ZNF208: variants seen among roughly 807,000 people sequenced by gnomAD.
ZNF208 encodes zinc finger protein 95.
A neutral mutation model predicts 12.1 loss-of-function variants in ZNF208; 10 were observed. That is an observed-to-expected ratio of 0.83 (90% CI 0.51 to 1.40). The LOEUF (loss-of-function observed/expected upper bound fraction) is 1.40. Among genes scored for constraint, ZNF208 ranks in the 40% most tolerant of loss-of-function variants. ZNF208 has a pLI of 0.00. For synonymous variants in ZNF208, 497 were observed against 488.4 expected (o/e 1.02, Z -0.23); for missense variants, 1,652 against 1,485.0 (o/e 1.11, Z -1.85).
chr19:21,972,894 TTC>T lies in ZNF208; in HGVS notation c.2138_2139del (p.Arg713AsnfsTer11), dbSNP rs1164263816. The T allele has an allele frequency of 7.6e-7, 1 of 1,315,304 alleles. No homozygotes were observed. The highest frequency in any genetic ancestry group is 2.5e-5 in the African/African-American group (1 of 40,204). The allele number at this position is 1,315,304 out of a possible 1,614,324, so 81.5% of individuals were successfully genotyped here. Reference protein sequence around the residue: ...NWSSNLMEHKRIHTGEKPYKC... With the variant: ...NWSSNLMEHKXIHTGEKPYKC... The stretch of plus-strand genomic sequence containing the variant: ...TTGTAGGGTTTCTCTCCAGTATGAA[TTC>T]TCTTATGTTCCATAAGGTTTGAGGA... On this transcript the variant is annotated frameshift_variant, in exon 4 of 4. Transcript: ENST00000397126. LOFTEE classifies it low-confidence loss of function (END_TRUNC).
downstream of ZNF208, among the ~76,000 whole-genome samples, chr19:21,963,785 T>C (rs549490655): frequency 1.1e-4 from 16 of 152,102 alleles, no homozygotes; most frequent in African/African-American, 3.6e-4. Context: ...TCTGGGGCTA[T>C]AATAGTAGTT....
In ZNF208 at chr19:21,968,794, G is replaced by C. The variant is rs1041556118; in HGVS notation, c.*2397C>G. ...CTTTGCAATGTGGTAAAACTTCGCT[G>C]TGATTTCATATGATCCAGGGCTTTT... is the stretch of plus-strand genomic sequence containing the variant. On this transcript the variant is annotated 3_prime_UTR_variant, in exon 4 of 4. Coordinates refer to ENST00000397126, the MANE Select transcript of ZNF208 (RefSeq NM_007153.3). Among the ~76,000 whole-genome samples, 11 of 151,994 alleles carry C rather than the reference G, an allele frequency of 7.2e-5. No individual in the cohort carries two copies. Among genetic ancestry groups the C allele is most frequent in the Admixed American group, 7.2e-4 (11 of 15,252 alleles).
intron 4 of ZNF208, among the ~76,000 whole-genome samples, chr19:21,949,546 AACTC>A (rs1323746224): frequency 4.6e-5 from 7 of 152,204 alleles, no homozygotes; most frequent in Non-Finnish European, 7.3e-5. Flanking sequence ...TTATTAAAAA[AACTC>A]AAGCACCTAA....
In ZNF208 at chr19:22,000,917, A is replaced by T. The variant is rs140554801; in HGVS notation, c.3+9875T>A. 6.3e-3 allele frequency among the ~76,000 whole-genome samples: 955 copies of T among 152,316 alleles called. 10 individuals carry two copies. The highest frequency in any genetic ancestry group is 0.021 in the African/African-American group (887 of 41,560). On this transcript the variant is annotated intron_variant, in intron 1 of 3. Transcript: ENST00000397126. ...AAGTCTGCTATGCATATAAACAAACAAACAAACGAAATCTAGAAGAAATGA... is the reference window on the plus strand; with the variant it reads ...AAGTCTGCTATGCATATAAACAAACTAACAAACGAAATCTAGAAGAAATGA...
At chr19:21,976,680 A>G (rs200934442) in intron 3 of ZNF208, among the ~76,000 whole-genome samples, 4 of 151,888 alleles carry the variant, frequency 2.6e-5, no homozygotes, top group Non-Finnish European at 5.9e-5. Context: ...CCTGCCTCAG[A>G]CTCCCAAGTA....
Position 21,974,015 on chromosome 19 carries a change from GGCTTCTCTCC to G in ZNF208, c.1009_1018del (p.Gly337ProfsTer22). On this transcript the variant is annotated frameshift_variant, in exon 4 of 4. Transcript: ENST00000397126. LOFTEE classifies it low-confidence loss of function (END_TRUNC). The stretch of plus-strand genomic sequence containing the variant: ...TTTGCCACATTCTTTACATTTGTAG[GGCTTCTCTCC>G]AGCATGAATTGCCTTATGTGTAATA... The G allele has an allele frequency of 5.1e-6, 7 of 1,380,332 alleles. No homozygotes were observed. Among genetic ancestry groups the G allele is most frequent in the South Asian group, 3.1e-5 (2 of 63,946 alleles). 85.5% of individuals were successfully genotyped at this position (1,380,332 alleles called of 1,614,324 possible).
At chr19:21,943,817 A>G (rs955476326) in intron 4 of ZNF208, among the ~76,000 whole-genome samples, 7 of 152,246 alleles carry the variant, frequency 4.6e-5, no homozygotes, top group African/African-American at 1.7e-4. Context: ...ATTTGGTGGA[A>G]TAGAGTCTCT....
At chr19:21,982,527 C>T (rs1970561742) in intron 3 of ZNF208, among the ~76,000 whole-genome samples, 1 of 151,930 alleles carries the variant, frequency 6.6e-6, no homozygotes, top group South Asian at 2.1e-4. Flanking sequence ...AAATTTCATA[C>T]AGAACCAAAA....
At position 21,974,492 on chromosome 19, in the gene ZNF208, G is replaced by T; in HGVS notation, c.542C>A (p.Ser181Ter). ...AGATAGGTGTGAAAGCATGCAAAATGATCTGACGTATTCTTTACATTGCAA... is the reference window on the plus strand; with the variant it reads ...AGATAGGTGTGAAAGCATGCAAAATTATCTGACGTATTCTTTACATTGCAA... ...KHLQCKEYVR[S>*]FCMLSHLSQH... Residue 181 changes from serine to a stop codon, truncating the protein, a stop_gained, in exon 4 of 4, where the codon TCA (serine) becomes TAA (stop). Coordinates refer to ENST00000397126, the MANE Select transcript of ZNF208 (RefSeq NM_007153.3). LOFTEE classifies it low-confidence loss of function (END_TRUNC). 6.2e-7 allele frequency: 1 copy of T among 1,613,672 alleles called. No individual in the cohort carries two copies. Among genetic ancestry groups the T allele is most frequent in the East Asian group, 2.2e-5 (1 of 44,854 alleles).
chr19:21,983,440 G>C (rs1970580852), intron 3 of ZNF208, among the ~76,000 whole-genome samples: 1 of 152,156 alleles, frequency 6.6e-6, no homozygotes. Context: ...GGAAGACAAT[G>C]TGGCGATTCC....
chr19:21,951,615 T>C (rs760655955), intron 4 of ZNF208, among the ~76,000 whole-genome samples: 2 of 152,358 alleles, frequency 1.3e-5, no homozygotes, highest in South Asian at 4.1e-4. Context: ...TTTCTTAAGA[T>C]GCTCATCTGT....
At chr19:21,955,153 A>G (rs1324035070) in intron 4 of ZNF208, among the ~76,000 whole-genome samples, 1 of 152,180 alleles carries the variant, frequency 6.6e-6, no homozygotes, top group Non-Finnish European at 1.5e-5. Flanking sequence ...AATGTTGAAT[A>G]TTGGCCCCCA....
At chr19:21,974,874 T>A in intron 3 of ZNF208, 67 bp from the exon 4 acceptor site, 5 of 1,434,684 alleles carry the variant, frequency 3.5e-6, no homozygotes, top group Non-Finnish European at 4.6e-6. Context: ...TTTCTAAATC[T>A]AAACTATAAA....
At chr19:21,963,081 TGGAAAGCAGGCCAGCTGCTTCCA>T (rs1294510657), downstream of ZNF208, among the ~76,000 whole-genome samples, 2 of 152,210 alleles carry the variant, frequency 1.3e-5, no homozygotes, top group African/African-American at 2.4e-5. Context: ...TTTATATCAG[TGGAAAGCAGGCCAGCTGCTTCCA>T]GGAAAGCAGG....
chr19:21,980,482 T>A (rs1970517542), intron 3 of ZNF208, among the ~76,000 whole-genome samples: 1 of 151,902 alleles, frequency 6.6e-6, no homozygotes, highest in Non-Finnish European at 1.5e-5. Context: ...GGGTAAATAA[T>A]AAAATGAAGG....
chr19:21,987,270 C>T lies in ZNF208; in HGVS notation c.172G>A (p.Glu58Lys). 1 of 1,612,454 alleles carries T rather than the reference C, an allele frequency of 6.2e-7. No homozygotes were observed. The highest frequency in any genetic ancestry group is 8.5e-7 in the Non-Finnish European group (1 of 1,179,406). ...FKPDLIIFLE[E>K]GKESWNMKRH... is the part of the protein sequence containing the mutation. ...TTCATATTCCAGGACTCTTTTCCTTCCTCCAGAAAAATGATCAGGTCTGGC... is the reference window on the plus strand; with the variant it reads ...TTCATATTCCAGGACTCTTTTCCTTTCTCCAGAAAAATGATCAGGTCTGGC... The change falls in exon 3 of 4, where the codon GAA becomes AAA. Residue 58 changes from glutamate to lysine, a missense_variant. This residue lies in a region of ZNF208 where 410 missense variants were observed against 378.2 expected (regional missense o/e 1.08). Transcript: ENST00000397126.
At chr19:21,948,666 A>G (rs559936785) in intron 4 of ZNF208, among the ~76,000 whole-genome samples, 24 of 152,260 alleles carry the variant, frequency 1.6e-4, no homozygotes, top group African/African-American at 5.8e-4. Context: ...TTCTCTAATG[A>G]CCCTGATACA....
chr19:21,993,578 T>G (rs1970777812), intron 1 of ZNF208, among the ~76,000 whole-genome samples: 1 of 152,232 alleles, frequency 6.6e-6, no homozygotes, highest in South Asian at 2.1e-4. Flanking sequence ...TTGGTAATTT[T>G]GGCCCCACTC....
At chr19:21,941,593 T>C (rs1001045695) in intron 4 of ZNF208, 1 of 391,414 alleles carries the variant, frequency 2.6e-6, no homozygotes, top group African/African-American at 2.1e-5. Context: ...TTTTGAGTTC[T>C]TATAATTTTG....
Sources: allele counts gnomAD v4.1 joint callset (sites outside exome capture counted in the v4.1 genomes callset), GRCh38; gene constraint gnomAD v4.1.1; regional missense constraint gnomAD v4.1.1; transcripts MANE v1.5; gene names NCBI Gene and HGNC (gene_info 2026-07-23, HGNC 2026-07-21).